Variants in FSTL5 observed in about 807,000 individuals in gnomAD.
The protein encoded by FSTL5 is follistatin-related protein 5.
In FSTL5, 62 loss-of-function variants were observed where a neutral mutation model predicts 89.1. The observed-to-expected ratio is 0.70, with a 90% CI of 0.57 to 0.86. FSTL5 has a LOEUF of 0.86. Among genes scored for constraint, FSTL5 ranks in the 40% least tolerant of loss-of-function variants. The pLI is 0.00. For missense variants in FSTL5, 1,057 were observed against 1,001.6 expected (o/e 1.06, Z -0.75); for synonymous variants, 383 against 346.2 (o/e 1.11, Z -1.18).
intron 4 of FSTL5, among the ~76,000 whole-genome samples, chr4:161,876,292 T>C (rs970717822): frequency 3.9e-5 from 6 of 152,320 alleles, no homozygotes; most frequent in African/African-American, 1.4e-4. Flanking sequence ...ATCATTCAAA[T>C]GAATGTTTGA....
At chr4:161,644,526 CAAAA>C (rs34645648) in intron 7 of FSTL5, among the ~76,000 whole-genome samples, 8 of 133,850 alleles carry the variant, frequency 6.0e-5, no homozygotes, top group African/African-American at 8.5e-5. Context: ...AACTCTGTCT[CAAAA>C]AAAAAAAAAA....
At chr4:161,958,508 C>G (rs1465386868) in intron 3 of FSTL5, among the ~76,000 whole-genome samples, 1 of 152,038 alleles carries the variant, frequency 6.6e-6, no homozygotes, top group Admixed American at 6.6e-5. Context: ...ACAATTTGGT[C>G]TCTTTGTTTA....
intron 4 of FSTL5, among the ~76,000 whole-genome samples, chr4:161,788,257 T>C (rs746292916): frequency 6.6e-6 from 1 of 152,256 alleles, no homozygotes; most frequent in Admixed American, 6.5e-5. Context: ...TTCTTTATGA[T>C]GTGAACATTC....
intron 1 of FSTL5, among the ~76,000 whole-genome samples, chr4:162,116,508 C>G (rs538272233): frequency 3.9e-5 from 6 of 152,302 alleles, no homozygotes; most frequent in African/African-American, 1.4e-4. Flanking sequence ...CTGCCCCCTG[C>G]CACCCAACTC....
chr4:161,679,380 G>A (rs1190289833), intron 6 of FSTL5, among the ~76,000 whole-genome samples: 1 of 151,482 alleles, frequency 6.6e-6, no homozygotes, highest in Non-Finnish European at 1.5e-5. Context: ...TATGAATTAA[G>A]ATTATTATTC....
intron 4 of FSTL5, among the ~76,000 whole-genome samples, chr4:161,822,175 T>C (rs1267111561): frequency 6.6e-6 from 1 of 152,168 alleles, no homozygotes; most frequent in Admixed American, 6.5e-5. Flanking sequence ...ATTTTCCTGA[T>C]CATTAGTGAT....
Position 161,762,207 on chromosome 4 carries a change from G to A in FSTL5, c.607-2676C>T, listed in dbSNP as rs533841310. 1.6e-4 allele frequency among the ~76,000 whole-genome samples: 24 copies of A among 152,076 alleles called. No homozygotes were observed. In the South Asian group the frequency reaches 3.5e-3, roughly 22 times the overall value. On this transcript the variant is annotated intron_variant, in intron 5 of 15. Coordinates refer to ENST00000306100, the MANE Select transcript of FSTL5 (RefSeq NM_020116.5). ...TTTTGAGACGGAGTCTTGCTCTGTC[G>A]CCCAGGCTAGAGTGCAGTGGCGCAT...
intron 1 of FSTL5, among the ~76,000 whole-genome samples, chr4:162,140,699 T>TA (rs1194869422): frequency 6.6e-6 from 1 of 152,116 alleles, no homozygotes; most frequent in Non-Finnish European, 1.5e-5. Context: ...AGATCAGTCT[T>TA]AAGAGTAACA....
At chr4:161,711,071 G>T (rs1373130867) in intron 6 of FSTL5, among the ~76,000 whole-genome samples, 1 of 152,050 alleles carries the variant, frequency 6.6e-6, no homozygotes. Flanking sequence ...ATTTGTAAAT[G>T]CTTATGAAAT....
chr4:161,565,249 T>TCATCATAC (rs1732756836), intron 8 of FSTL5, among the ~76,000 whole-genome samples: 2 of 97,180 alleles, frequency 2.1e-5, no homozygotes, highest in African/African-American at 7.9e-5. Context: ...CATCATCATA[T>TCATCATAC]TTATTATAAT....
intron 4 of FSTL5, among the ~76,000 whole-genome samples, chr4:161,909,478 T>C (rs530131436): frequency 6.6e-6 from 1 of 152,252 alleles, no homozygotes; most frequent in South Asian, 2.1e-4. Flanking sequence ...AGCAGTATCA[T>C]ACTCCCTCAG....
intron 4 of FSTL5, among the ~76,000 whole-genome samples, chr4:161,797,593 G>A (rs1350244861): frequency 6.6e-6 from 1 of 151,496 alleles, no homozygotes; most frequent in East Asian, 1.9e-4. Flanking sequence ...GATTTCTGAT[G>A]ATTATATTTC....
At chr4:161,983,441 G>A (rs1414129305) in intron 3 of FSTL5, among the ~76,000 whole-genome samples, 2 of 152,170 alleles carry the variant, frequency 1.3e-5, no homozygotes, top group African/African-American at 2.4e-5. Context: ...GACGAAAGCA[G>A]AAATACGGAC....
At chr4:161,436,748 T>G (rs1232266942) in intron 15 of FSTL5, among the ~76,000 whole-genome samples, 1 of 152,236 alleles carries the variant, frequency 6.6e-6, no homozygotes, top group Non-Finnish European at 1.5e-5. Context: ...AGATTGAGCC[T>G]GTCACAACTT....
chr4:161,462,244 C>A (rs1269520870), intron 13 of FSTL5, among the ~76,000 whole-genome samples: 1 of 152,172 alleles, frequency 6.6e-6, no homozygotes, highest in Non-Finnish European at 1.5e-5. Context: ...AACCTCTCTG[C>A]ATATGAAAGA....
intron 4 of FSTL5, among the ~76,000 whole-genome samples, chr4:161,893,791 C>T (rs1488010844): frequency 6.6e-6 from 1 of 152,168 alleles, no homozygotes; most frequent in Non-Finnish European, 1.5e-5. Flanking sequence ...AAAAATCACC[C>T]TTAAGAATTT....
At chr4:161,930,864 T>C (rs1015370869) in intron 3 of FSTL5, among the ~76,000 whole-genome samples, 1 of 151,876 alleles carries the variant, frequency 6.6e-6, no homozygotes, top group Non-Finnish European at 1.5e-5. Flanking sequence ...GATTTCCAAG[T>C]GCTTATATTC....
At chr4:161,749,574 G>GT (rs1424204556) in intron 6 of FSTL5, among the ~76,000 whole-genome samples, 1 of 151,898 alleles carries the variant, frequency 6.6e-6, no homozygotes, top group African/African-American at 2.4e-5. Context: ...GAGGCGGGCG[G>GT]ATCCCGAGGT....
chr4:161,405,800 G>A (rs548703785), intron 15 of FSTL5, among the ~76,000 whole-genome samples: 45 of 152,146 alleles, frequency 3.0e-4, no homozygotes, highest in Admixed American at 1.5e-3. Context: ...CAAAGGAAGC[G>A]ACTCATCATG....
Sources: allele counts gnomAD v4.1 joint callset (sites outside exome capture counted in the v4.1 genomes callset), GRCh38; gene constraint gnomAD v4.1.1; transcripts MANE v1.5; gene names NCBI Gene and HGNC (gene_info 2026-07-23, HGNC 2026-07-21).